The following BABAM2 variants were observed in gnomAD, a reference collection of about 807,000 sequenced individuals.
BABAM2 encodes the protein BRISC and BRCA1-A complex member 2.
Under a neutral mutation model 54.7 loss-of-function variants are expected in BABAM2, and 31 were observed. That is an observed-to-expected ratio of 0.57 (90% CI 0.43 to 0.77). The LOEUF (loss-of-function observed/expected upper bound fraction) is 0.77, where lower values mean the gene tolerates loss of function less well. Among genes scored for constraint, BABAM2 ranks in the 30% least tolerant of loss-of-function variants. BABAM2 has a pLI of 0.00. For synonymous variants in BABAM2, 167 were observed against 162.9 expected (o/e 1.03, Z -0.19); for missense variants, 364 against 455.8 (o/e 0.80, Z 1.83).
At chr2:28,186,776 A>G (rs1038899640) in intron 7 of BABAM2, among the ~76,000 whole-genome samples, 1 of 151,912 alleles carries the variant, frequency 6.6e-6, no homozygotes, top group Non-Finnish European at 1.5e-5. Context: ...TGTACTATCT[A>G]TTGTAACATC....
At chr2:28,226,316 G>C (rs11689636) in intron 7 of BABAM2, among the ~76,000 whole-genome samples, 25,289 of 152,104 alleles carry the variant, frequency 0.17, 2,199 homozygotes, top group Non-Finnish European at 0.18. Context: ...TTTCCATAAT[G>C]ACTATTTCCA....
At chr2:28,221,927 A>T (rs898630503) in intron 7 of BABAM2, among the ~76,000 whole-genome samples, 1 of 152,160 alleles carries the variant, frequency 6.6e-6, no homozygotes, top group African/African-American at 2.4e-5. Context: ...CTTGCTCCAG[A>T]GTGACCCTGA....
intron 10 of BABAM2, among the ~76,000 whole-genome samples, chr2:28,255,283 C>CT (rs897193157): frequency 8.6e-5 from 13 of 151,828 alleles, no homozygotes; most frequent in African/African-American, 2.2e-4. Flanking sequence ...GCCATTCCGT[C>CT]TTTTTTTTAA....
At chr2:28,081,537 A>T (rs1665172940) in intron 6 of BABAM2, among the ~76,000 whole-genome samples, 1 of 152,162 alleles carries the variant, frequency 6.6e-6, no homozygotes, top group African/African-American at 2.4e-5. Flanking sequence ...AATGCGTGGG[A>T]ATTGTGGATT....
intron 7 of BABAM2, among the ~76,000 whole-genome samples, chr2:28,197,517 A>G (rs1028069271): frequency 9.9e-5 from 15 of 152,200 alleles, no homozygotes; most frequent in Non-Finnish European, 1.8e-4. Flanking sequence ...CCTCTTTACA[A>G]TGATCTAGAT....
chr2:28,135,184 G>A (rs1027246477), intron 7 of BABAM2, among the ~76,000 whole-genome samples: 9 of 152,174 alleles, frequency 5.9e-5, no homozygotes, highest in African/African-American at 2.2e-4. Flanking sequence ...TGGAGAAGGA[G>A]CTTTGGAAGA....
intron 9 of BABAM2, 24 bp downstream of exon 9, chr2:28,241,417 A>G (rs748390739): frequency 6.2e-7 from 1 of 1,606,348 alleles, no homozygotes; most frequent in African/African-American, 1.3e-5. Flanking sequence ...TGTTTGAACG[A>G]TATACCGGTG....
intron 10 of BABAM2, among the ~76,000 whole-genome samples, chr2:28,255,099 T>G (rs552937108): frequency 2.0e-5 from 3 of 152,208 alleles, no homozygotes; most frequent in Admixed American, 6.5e-5. Context: ...TTAATTAATA[T>G]CACCTAATAC....
intron 7 of BABAM2, among the ~76,000 whole-genome samples, chr2:28,130,044 A>G (rs1199981259): frequency 6.6e-6 from 1 of 152,220 alleles, no homozygotes; most frequent in South Asian, 2.1e-4. Context: ...TTCTACTTCA[A>G]AGGAAGCTGA....
At chr2:28,293,029 T>A (rs564370832) in intron 10 of BABAM2, among the ~76,000 whole-genome samples, 1 of 152,340 alleles carries the variant, frequency 6.6e-6, no homozygotes, top group East Asian at 1.9e-4. Flanking sequence ...ATGGCCAGAC[T>A]GGGATTCTTT....
chr2:28,177,350 A>G (rs1490753515), intron 7 of BABAM2, among the ~76,000 whole-genome samples: 5 of 152,168 alleles, frequency 3.3e-5, no homozygotes, highest in Admixed American at 6.5e-5. Context: ...TTTCCTAGAC[A>G]AGCAGAAACT....
intron 5 of BABAM2, among the ~76,000 whole-genome samples, chr2:28,034,996 C>T (rs1200146552): frequency 6.6e-6 from 1 of 152,046 alleles, no homozygotes; most frequent in Non-Finnish European, 1.5e-5. Flanking sequence ...GACTATCGAG[C>T]ATTTGAAATG....
chr2:28,317,118 G>A (rs746498266), intron 11 of BABAM2, among the ~76,000 whole-genome samples: 9 of 152,088 alleles, frequency 5.9e-5, no homozygotes, highest in Non-Finnish European at 1.3e-4. Flanking sequence ...TCCTAACAGC[G>A]AGCAGGACCA....
At chr2:28,030,904 C>G (rs1676251239) in intron 5 of BABAM2, among the ~76,000 whole-genome samples, 3 of 152,140 alleles carry the variant, frequency 2.0e-5, no homozygotes, top group Admixed American at 6.5e-5. Context: ...ACTAAAGAAA[C>G]TTGCAGATAT....
intron 2 of BABAM2, among the ~76,000 whole-genome samples, chr2:27,907,643 G>A (rs1303793723): frequency 8.5e-5 from 13 of 152,082 alleles, no homozygotes; most frequent in Admixed American, 5.2e-4. Context: ...TTTTCATCTT[G>A]CAAGCTGAAA....
At chr2:28,123,908 G>A (rs1233109640) in intron 6 of BABAM2, among the ~76,000 whole-genome samples, 2 of 152,180 alleles carry the variant, frequency 1.3e-5, no homozygotes, top group Admixed American at 1.3e-4. Flanking sequence ...CCGTTTGTTT[G>A]GAGGATTGTC....
intron 7 of BABAM2, among the ~76,000 whole-genome samples, chr2:28,162,267 G>T (rs1673175424): frequency 6.6e-6 from 1 of 152,118 alleles, no homozygotes; most frequent in South Asian, 2.1e-4. Flanking sequence ...TAAAGACAAA[G>T]GGCACCTGAA....
chr2:28,025,124 A>C (rs1022791800), intron 4 of BABAM2, 102 bp from the exon 5 acceptor site: 22 of 1,094,580 alleles, frequency 2.0e-5, no homozygotes, highest in Non-Finnish European at 2.3e-5. Context: ...TTCCTCTTAG[A>C]TTTCTATTAC....
At chr2:27,910,427 A>G (rs886909169) in intron 2 of BABAM2, among the ~76,000 whole-genome samples, 7 of 152,214 alleles carry the variant, frequency 4.6e-5, no homozygotes, top group African/African-American at 1.7e-4. Flanking sequence ...TTATTGAGGT[A>G]TAGTATACAT....
Sources: allele counts gnomAD v4.1 joint callset (sites outside exome capture counted in the v4.1 genomes callset), GRCh38; gene constraint gnomAD v4.1.1; transcripts MANE v1.5; gene names NCBI Gene and HGNC (gene_info 2026-07-23, HGNC 2026-07-21).